Variants in SHROOM4 observed in about 807,000 individuals in gnomAD.
SHROOM4 encodes protein Shroom4.
A neutral mutation model predicts 80.3 loss-of-function variants in SHROOM4; 17 were observed. The observed-to-expected ratio is 0.21, with a 90% CI of 0.14 to 0.32. The LOEUF is 0.32. SHROOM4 is among the 10% of genes least tolerant of loss of function. The pLI, the probability that SHROOM4 is intolerant of heterozygous loss-of-function variation, is 1.00. For missense variants in SHROOM4, 993 were observed against 1,140.3 expected (o/e 0.87, Z 1.86); for synonymous variants, 400 against 437.5 (o/e 0.91, Z 1.07).
In SHROOM4 at chrX:50,590,164, G is replaced by A. The variant is rs1343482733; in HGVS notation, c.*6531C>T. ...TGGCATATGGAGGTGGGGCCTTTGA[G>A]AGGTAAATTGGTTTAGATGAAGTCA... is the stretch of plus-strand genomic sequence containing the variant. On this transcript the variant is annotated 3_prime_UTR_variant, in exon 9 of 9. Coordinates refer to ENST00000376020, the MANE Select transcript of SHROOM4 (RefSeq NM_020717.5). Among the ~76,000 whole-genome samples the A allele has an allele frequency of 9.0e-6, 1 of 111,579 alleles. No individual in the cohort carries two copies. Among genetic ancestry groups the A allele is most frequent in the Non-Finnish European group, 1.9e-5 (1 of 53,117 alleles).
chrX:50,634,058 G>A lies in SHROOM4; in HGVS notation c.2015C>T (p.Pro672Leu). ...ARSSECLSQA[P>L]ESHESRTGLE... Reference sequence around the variant, plus strand: ...GCCTGTCCTAGATTCATGGCTCTCAGGGGCTTGGCTGAGGCACTCGGAAGA... The same window carrying A: ...GCCTGTCCTAGATTCATGGCTCTCAAGGGCTTGGCTGAGGCACTCGGAAGA... Residue 672 changes from proline (P) to leucine (L), a missense_variant, in exon 4 of 9, where the codon CCT (proline) becomes CTT (leucine). By Grantham distance (98) the Pro-to-Leu change is moderately conservative (BLOSUM62 -3). Coordinates refer to ENST00000376020, the MANE Select transcript of SHROOM4 (RefSeq NM_020717.5). The A allele has an allele frequency of 8.3e-7, 1 of 1,212,055 alleles. No homozygotes were observed. Among genetic ancestry groups the A allele is most frequent in the East Asian group, 3.0e-5 (1 of 33,814 alleles).
At chrX:50,602,939 G>T in intron 6 of SHROOM4, 126 bp from the exon 7 acceptor site, 2 of 662,580 alleles carry the variant, frequency 3.0e-6, no homozygotes, top group East Asian at 7.0e-5. Context: ...AATGGAGAAG[G>T]CACTGTTCAA....
At chrX:50,685,371 A>T (rs1313878388) in intron 2 of SHROOM4, among the ~76,000 whole-genome samples, 2 of 111,708 alleles carry the variant, frequency 1.8e-5, no homozygotes, top group East Asian at 5.6e-4. Context: ...TTGGAATGGA[A>T]GTCTGGAGCT....
chrX:50,683,854 AC>A (rs1681138005), intron 2 of SHROOM4, among the ~76,000 whole-genome samples: 1 of 111,541 alleles, frequency 9.0e-6, no homozygotes, highest in South Asian at 3.8e-4. Context: ...GAATTAAATC[AC>A]CCAGAATGTA....
chrX:50,743,695 G>A (rs1934715674), intron 1 of SHROOM4, among the ~76,000 whole-genome samples: 1 of 111,183 alleles, frequency 9.0e-6, no homozygotes, highest in African/African-American at 3.3e-5. Context: ...GGGCTCAAGC[G>A]ATCTTCTTGC....
At chrX:50,681,885 C>T (rs1338225489) in intron 2 of SHROOM4, among the ~76,000 whole-genome samples, 2 of 111,712 alleles carry the variant, frequency 1.8e-5, no homozygotes, top group African/African-American at 6.5e-5. Flanking sequence ...TCACATATGT[C>T]CCCCAGAATC....
chrX:50,619,502 G>A (rs868954252), intron 5 of SHROOM4, among the ~76,000 whole-genome samples: 1 of 50,947 alleles, frequency 2.0e-5, no homozygotes, highest in Non-Finnish European at 4.1e-5. Context: ...GCTTGCCCCC[G>A]GGCCCACAGA....
intron 1 of SHROOM4, among the ~76,000 whole-genome samples, chrX:50,708,265 A>G (rs1463523972): frequency 8.9e-6 from 1 of 112,173 alleles, no homozygotes; most frequent in Non-Finnish European, 1.9e-5. Context: ...AAACTCTTTC[A>G]TCAATCGCTG....
chrX:50,759,099 C>T (rs1935096622), intron 1 of SHROOM4, among the ~76,000 whole-genome samples: 1 of 111,689 alleles, frequency 9.0e-6, no homozygotes, highest in Non-Finnish European at 1.9e-5. Context: ...ATCCAAACTT[C>T]GTAGGTTGAA....
chrX:50,804,468 G>A (rs1016781323), intron 1 of SHROOM4, among the ~76,000 whole-genome samples: 2 of 111,758 alleles, frequency 1.8e-5, no homozygotes. Flanking sequence ...CCCTCCCTCC[G>A]TCTGTCCCCC....
intron 4 of SHROOM4, among the ~76,000 whole-genome samples, chrX:50,630,161 C>T (rs782051745): frequency 9.9e-5 from 11 of 111,080 alleles, no homozygotes; most frequent in East Asian, 2.8e-4. Flanking sequence ...ACCTGCAAAT[C>T]GTACCTCCAT....
chrX:50,780,240 G>C (rs1557270531), intron 1 of SHROOM4, among the ~76,000 whole-genome samples: 1 of 111,304 alleles, frequency 9.0e-6, no homozygotes, highest in Non-Finnish European at 1.9e-5. Flanking sequence ...CAACAATATG[G>C]TATACCAAGC....
chrX:50,759,689 T>C (rs967690106), intron 1 of SHROOM4, among the ~76,000 whole-genome samples: 4 of 111,983 alleles, frequency 3.6e-5, no homozygotes, highest in African/African-American at 9.7e-5. Flanking sequence ...CTTTTTAATA[T>C]AGGCATTTAC....
rs782259648 is a variant in SHROOM4, at chrX:50,607,373, G to T, written c.3761+8C>A. 8.3e-7 allele frequency: 1 copy of T among 1,208,181 alleles called. No homozygotes were observed. The highest frequency in any genetic ancestry group is 1.8e-5 in the South Asian group (1 of 56,608). ...TTCAGAGACCTAGTATCTTTCATAT[G>T]TACTTACTTGGCGGATTCAGTGGCT... On this transcript the variant is annotated splice_region_variant and intron_variant, in intron 6 of 8. Transcript: ENST00000376020.
downstream of SHROOM4, among the ~76,000 whole-genome samples, chrX:50,585,791 T>C (rs190206839): frequency 4.0e-4 from 45 of 111,504 alleles, no homozygotes; most frequent in African/African-American, 1.4e-3. Flanking sequence ...CAAAGATACA[T>C]GGTTTTTCTC....
At chrX:50,747,518 AG>A (rs1166399324) in intron 1 of SHROOM4, among the ~76,000 whole-genome samples, 1 of 112,065 alleles carries the variant, frequency 8.9e-6, no homozygotes, top group Non-Finnish European at 1.9e-5. Flanking sequence ...ATTAAAAAAA[AG>A]TTCTGACAAA....
intron 2 of SHROOM4, among the ~76,000 whole-genome samples, chrX:50,652,215 C>G (rs1236880207): frequency 8.9e-6 from 1 of 112,003 alleles, no homozygotes; most frequent in African/African-American, 3.2e-5. Flanking sequence ...TAAAAGCATT[C>G]CTATTTCTCC....
At chrX:50,631,831 G>A (rs782288571) in intron 4 of SHROOM4, among the ~76,000 whole-genome samples, 19 of 111,595 alleles carry the variant, frequency 1.7e-4, no homozygotes, top group Non-Finnish European at 1.5e-4. Context: ...AGGATTCGGC[G>A]CTTTCATAAA....
chrX:50,700,194 T>G (rs1191907571), intron 1 of SHROOM4, among the ~76,000 whole-genome samples: 2 of 112,333 alleles, frequency 1.8e-5, no homozygotes, highest in Non-Finnish European at 3.8e-5. Context: ...TTGTTTAAAT[T>G]GATGTGTTTG....
Sources: allele counts gnomAD v4.1 joint callset (sites outside exome capture counted in the v4.1 genomes callset), GRCh38; gene constraint gnomAD v4.1.1; transcripts MANE v1.5; gene names NCBI Gene and HGNC (gene_info 2026-07-23, HGNC 2026-07-21).